The following FOCAD variants were observed in gnomAD, a reference collection of about 807,000 sequenced individuals.
FOCAD encodes the protein focadhesin, also known as KIAA1797.
FOCAD carries 198 observed loss-of-function variants against 225.6 expected under a neutral mutation model. The ratio of observed to expected loss-of-function variants is 0.88; its 90% confidence interval spans 0.78 to 0.99. The LOEUF is 0.99. Ranked by LOEUF, FOCAD falls within the 50% of genes least tolerant of loss-of-function variation. The pLI, the probability that FOCAD is intolerant of heterozygous loss-of-function variation, is 0.00. For missense variants in FOCAD, 2,713 were observed against 2,123.6 expected, an observed-to-expected ratio of 1.28 and a Z score of -5.46; for synonymous variants, 897 against 755.0, an observed-to-expected ratio of 1.19 and a Z score of -3.08.
intron 6 of FOCAD, among the ~76,000 whole-genome samples, chr9:20,758,472 G>A (rs779112072): frequency 2.6e-5 from 4 of 151,554 alleles, no homozygotes; most frequent in South Asian, 4.2e-4. Flanking sequence ...CCATTAACTC[G>A]TCATTTAGCA....
chr9:20,963,279 T>C (rs1564210608), intron 35 of FOCAD, among the ~76,000 whole-genome samples: 1 of 152,192 alleles, frequency 6.6e-6, no homozygotes, highest in Non-Finnish European at 1.5e-5. Flanking sequence ...GCATGTATAT[T>C]AGGTCAATTC....
At chr9:20,729,368 ATC>A (rs1826479494) in intron 4 of FOCAD, among the ~76,000 whole-genome samples, 1 of 152,068 alleles carries the variant, frequency 6.6e-6, no homozygotes, top group African/African-American at 2.4e-5. Context: ...TTACCTGTAT[ATC>A]TCTTTGTCTC....
chr9:20,863,941 C>T (rs1231622229), intron 16 of FOCAD, among the ~76,000 whole-genome samples: 1 of 151,862 alleles, frequency 6.6e-6, no homozygotes, highest in Non-Finnish European at 1.5e-5. Flanking sequence ...ATCTTTTGGA[C>T]CAGATTTTTT....
In FOCAD at chr9:20,758,182, G is replaced by A; in HGVS notation, c.485G>A (p.Cys162Tyr). ...LQQLTAFFQQ[C>Y]PERLEVSCIQ... ...CAGCTGACAGCGTTTTTCCAGCAGT[G>A]CCCTGAAAGGTAATGTAAAATAAAA... The change falls in exon 6 of 44, where the codon TGC (cysteine) becomes TAC (tyrosine). Residue 162 changes from cysteine to tyrosine, a missense_variant. Physicochemically the swap from Cys to Tyr is radical, Grantham distance 194. Transcript: ENST00000338382. 1 of 1,610,364 alleles carries A rather than the reference G, an allele frequency of 6.2e-7. No homozygotes were observed. The highest frequency in any genetic ancestry group is 1.7e-5 in the Admixed American group (1 of 59,484).
intron 41 of FOCAD, among the ~76,000 whole-genome samples, chr9:20,989,475 G>C (rs1200065367): frequency 6.6e-6 from 1 of 152,082 alleles, no homozygotes. Flanking sequence ...TTCTATGATT[G>C]TCTAGATTAG....
intron 21 of FOCAD, among the ~76,000 whole-genome samples, chr9:20,886,741 C>A (rs997340840): frequency 6.6e-6 from 1 of 152,158 alleles, no homozygotes; most frequent in East Asian, 1.9e-4. Context: ...AGACTGGATT[C>A]CATATTCTGC....
intron 38 of FOCAD, 68 bp downstream of exon 38, chr9:20,981,754 A>G: frequency 6.6e-7 from 1 of 1,520,190 alleles, no homozygotes; most frequent in South Asian, 1.3e-5. Context: ...TTCTTGGCAA[A>G]GTGGGGAGGT....
chr9:20,749,015 C>G (rs1313621111), intron 5 of FOCAD, among the ~76,000 whole-genome samples: 1 of 152,068 alleles, frequency 6.6e-6, no homozygotes, highest in Non-Finnish European at 1.5e-5. Context: ...TTGTTTGTCT[C>G]TAGGTGTTTT....
chr9:20,681,406 C>T (rs947937063), upstream of FOCAD, among the ~76,000 whole-genome samples: 2 of 152,052 alleles, frequency 1.3e-5, no homozygotes, highest in Non-Finnish European at 2.9e-5. Context: ...TGAGAGGGTA[C>T]TTTTAACATT....
intron 5 of FOCAD, among the ~76,000 whole-genome samples, chr9:20,748,875 C>T (rs1587005569): frequency 6.6e-6 from 1 of 152,086 alleles, no homozygotes; most frequent in Non-Finnish European, 1.5e-5. Context: ...TTCCAGTTAG[C>T]AGTAGCCACC....
At chr9:20,768,834 C>T (rs769055711) in intron 7 of FOCAD, among the ~76,000 whole-genome samples, 2 of 151,654 alleles carry the variant, frequency 1.3e-5, no homozygotes, top group East Asian at 1.9e-4. Context: ...TCACATATTA[C>T]CTATTATATT....
chr9:20,734,844 C>T (rs144084299), intron 4 of FOCAD, among the ~76,000 whole-genome samples: 543 of 152,100 alleles, frequency 3.6e-3, no homozygotes, highest in Middle Eastern at 6.8e-3. Context: ...GGGGTTTTGC[C>T]CAGTATGGTC....
chr9:20,658,740 C>CCAT (rs1821606412), exon 2 of FOCAD: 1 of 159,630 alleles, frequency 6.3e-6, no homozygotes, highest in Admixed American at 6.5e-5. Flanking sequence ...ACCGTCTTCT[C>CCAT]CATCGCTCAC....
intron 35 of FOCAD, among the ~76,000 whole-genome samples, chr9:20,964,543 A>AT (rs908794552): frequency 8.7e-4 from 129 of 148,602 alleles, no homozygotes; most frequent in African/African-American, 1.7e-3. Context: ...GAGCATCAAC[A>AT]TTTTTTTTTT....
At chr9:20,910,384 T>C (rs1054402958) in intron 22 of FOCAD, among the ~76,000 whole-genome samples, 1 of 152,124 alleles carries the variant, frequency 6.6e-6, no homozygotes, top group Non-Finnish European at 1.5e-5. Flanking sequence ...TTTTCATGAA[T>C]TGGCCAGCTA....
intron 15 of FOCAD, among the ~76,000 whole-genome samples, chr9:20,859,482 T>G (rs1828556538): frequency 6.6e-6 from 1 of 151,396 alleles, no homozygotes; most frequent in Non-Finnish European, 1.5e-5. Context: ...TGTTTTGTCT[T>G]TGGTGTTTAA....
intron 37 of FOCAD, 89 bp downstream of exon 37, chr9:20,978,543 CAA>C: frequency 1.2e-6 from 1 of 829,278 alleles, no homozygotes. Context: ...TTCTCAAAGT[CAA>C]GAGGAGACAG....
chr9:20,865,941 G>A lies in FOCAD; in HGVS notation c.2071G>A (p.Val691Ile). The A allele has an allele frequency of 1.2e-6, 2 of 1,608,560 alleles. No homozygotes were observed. The highest frequency in any genetic ancestry group is 1.7e-6 in the Non-Finnish European group (2 of 1,177,476). The change falls in exon 17 of 44, where the codon GTC becomes ATC. Residue 691 changes from valine (V) to isoleucine (I), a missense_variant. Transcript: ENST00000338382. Reference protein sequence around the residue: ...TTEYENFKVQVLSFLWTHTQN... With the variant: ...TTEYENFKVQILSFLWTHTQN... ...AACTTTTCAGAATTTTAAAGTTCAA[G>A]TCCTCAGCTTCCTCTGGACTCATAC... is the stretch of plus-strand genomic sequence containing the variant.
intron 11 of FOCAD, among the ~76,000 whole-genome samples, chr9:20,809,431 A>G (rs1249082185): frequency 6.6e-6 from 1 of 152,188 alleles, no homozygotes; most frequent in Non-Finnish European, 1.5e-5. Context: ...TCAAATTTAA[A>G]TTAATCAAAT....
Sources: allele counts gnomAD v4.1 joint callset (sites outside exome capture counted in the v4.1 genomes callset), GRCh38; gene constraint gnomAD v4.1.1; transcripts MANE v1.5; gene names NCBI Gene and HGNC (gene_info 2026-07-23, HGNC 2026-07-21).